The following C10orf67 variants were observed in gnomAD, a reference collection of about 807,000 sequenced individuals.
C10orf67 encodes chromosome 10 open reading frame 67, also known as uncharacterized protein C10orf67, mitochondrial.
In C10orf67, 60 loss-of-function variants were observed where a neutral mutation model predicts 35.6. The ratio of observed to expected loss-of-function variants is 1.68; its 90% CI spans 1.37 to 2.09. C10orf67 has a LOEUF of 2.09. Among genes scored for constraint, C10orf67 ranks in the 30% most tolerant of loss-of-function variants. The pLI, the probability that C10orf67 is intolerant of heterozygous loss-of-function variation, is 0.00. For missense variants in C10orf67, 474 were observed against 330.2 expected (o/e 1.44, Z -3.38); for synonymous variants, 167 against 115.8 (o/e 1.44, Z -2.84).
At chr10:23,241,975 T>A (rs987682062) in intron 12 of C10orf67, among the ~76,000 whole-genome samples, 15 of 151,662 alleles carry the variant, frequency 9.9e-5, no homozygotes, top group Admixed American at 3.3e-4. Context: ...TTTTTTTTTT[T>A]AATTTACTCA....
At chr10:23,216,862 G>A (rs993016570) in intron 15 of C10orf67, among the ~76,000 whole-genome samples, 3 of 152,048 alleles carry the variant, frequency 2.0e-5, no homozygotes, top group African/African-American at 4.8e-5. Flanking sequence ...TCAAGGCAGT[G>A]GTTACCTCTG....
chr10:23,324,242 T>G (rs190224266), intron 2 of C10orf67, among the ~76,000 whole-genome samples: 1 of 151,800 alleles, frequency 6.6e-6, no homozygotes. Flanking sequence ...AGATTCTGAT[T>G]GCTGGGACCC....
At chr10:23,310,770 C>T (rs767614425) in intron 4 of C10orf67, among the ~76,000 whole-genome samples, 1 of 152,194 alleles carries the variant, frequency 6.6e-6, no homozygotes, top group Admixed American at 6.5e-5. Context: ...GAGAAATACT[C>T]TCTTTCTCTC....
At chr10:23,222,805 A>T (rs1214554726) in intron 15 of C10orf67, among the ~76,000 whole-genome samples, 1 of 152,106 alleles carries the variant, frequency 6.6e-6, no homozygotes, top group Non-Finnish European at 1.5e-5. Flanking sequence ...AACAAACAAA[A>T]ATCAGCTGGG....
At chr10:23,267,137 A>T in intron 9 of C10orf67, 58 bp downstream of exon 9, 1 of 685,500 alleles carries the variant, frequency 1.5e-6, no homozygotes, top group Non-Finnish European at 2.7e-6. Flanking sequence ...TCAGATACCA[A>T]AATCAGAGAA....
At chr10:23,332,120 T>G (rs889829198) in intron 2 of C10orf67, among the ~76,000 whole-genome samples, 2 of 152,212 alleles carry the variant, frequency 1.3e-5, no homozygotes, top group Non-Finnish European at 2.9e-5. Context: ...TGCAGGATTA[T>G]TCATCACAGT....
chr10:23,261,853 T>C (rs1006496664), intron 10 of C10orf67, among the ~76,000 whole-genome samples: 1 of 152,192 alleles, frequency 6.6e-6, no homozygotes, highest in African/African-American at 2.4e-5. Flanking sequence ...CAAGCAGAGA[T>C]TCCACTGAGG....
chr10:23,263,279 G>A (rs551127057), intron 10 of C10orf67, among the ~76,000 whole-genome samples: 16 of 152,274 alleles, frequency 1.1e-4, no homozygotes, highest in Admixed American at 8.5e-4. Flanking sequence ...ATTTAACCAA[G>A]TAAGAGTTGC....
At chr10:23,228,139 C>T (rs998060662) in intron 13 of C10orf67, among the ~76,000 whole-genome samples, 4 of 152,266 alleles carry the variant, frequency 2.6e-5, no homozygotes, top group Admixed American at 2.6e-4. Context: ...CAAGACAATC[C>T]TAAGCCAAAA....
intron 4 of C10orf67, among the ~76,000 whole-genome samples, chr10:23,307,680 C>T (rs550606903): frequency 6.7e-6 from 1 of 149,670 alleles, no homozygotes; most frequent in Non-Finnish European, 1.5e-5. Flanking sequence ...AATCGGCTCA[C>T]TGCAACCTCC....
chr10:23,237,613 C>CATGGATATAA (rs1842082263), intron 13 of C10orf67, among the ~76,000 whole-genome samples: 14 of 152,100 alleles, frequency 9.2e-5, no homozygotes, highest in Admixed American at 8.5e-4. Context: ...GGAACAACTG[C>CATGGATATAA]CATGGATACA....
Position 23,333,064 on chromosome 10 carries a change from G to A in C10orf67, c.325C>T (p.Gln109Ter). 6.2e-7 allele frequency: 1 copy of A among 1,610,984 alleles called. No individual in the cohort carries two copies. The highest frequency in any genetic ancestry group is 8.5e-7 in the Non-Finnish European group (1 of 1,178,930). ...ELSSSTQKLA[Q>*]MMKSLQVDFG... The stretch of plus-strand genomic sequence containing the variant: ...TTTCAGAACAAATTCAGATTTACCT[G>A]TGCTAACTTTTGCGTAGATGAACTC... The change falls in exon 2 of 16, where the codon CAG becomes TAG. Residue 109 changes from glutamine to a stop codon, truncating the protein, a stop_gained and splice_region_variant. Coordinates refer to ENST00000636213, the MANE Select transcript of C10orf67 (RefSeq NM_001371909.1). LOFTEE classifies it high-confidence loss of function.
At chr10:23,211,018 T>C (rs1841292293) in intron 15 of C10orf67, among the ~76,000 whole-genome samples, 1 of 152,218 alleles carries the variant, frequency 6.6e-6, no homozygotes, top group Non-Finnish European at 1.5e-5. Context: ...TATTAAATTG[T>C]TACCTTGTAT....
intron 13 of C10orf67, among the ~76,000 whole-genome samples, chr10:23,231,669 G>A (rs555894476): frequency 1.4e-3 from 212 of 152,312 alleles, no homozygotes; most frequent in Non-Finnish European, 2.4e-3. Flanking sequence ...ACCTGGAAGA[G>A]CTCCTGTATC....
intron 2 of C10orf67, among the ~76,000 whole-genome samples, chr10:23,325,798 T>C (rs1212093247): frequency 6.6e-6 from 1 of 151,878 alleles, no homozygotes; most frequent in Non-Finnish European, 1.5e-5. Flanking sequence ...ATTATAACTA[T>C]GCATGATGAA....
intron 1 of C10orf67, among the ~76,000 whole-genome samples, chr10:23,343,118 G>A (rs546492826): frequency 6.6e-6 from 1 of 152,322 alleles, no homozygotes; most frequent in South Asian, 2.1e-4. Context: ...AAGGATCAAG[G>A]AATAGCAAAT....
At chr10:23,294,569 A>C (rs1029606611) in intron 5 of C10orf67, among the ~76,000 whole-genome samples, 7 of 152,178 alleles carry the variant, frequency 4.6e-5, no homozygotes, top group Non-Finnish European at 4.4e-5. Context: ...CCCTTGAATG[A>C]AGTTGCTCTT....
chr10:23,297,960 A>G (rs1256704054), intron 5 of C10orf67, among the ~76,000 whole-genome samples: 1 of 152,196 alleles, frequency 6.6e-6, no homozygotes, highest in African/African-American at 2.4e-5. Flanking sequence ...ACCCGTAAAC[A>G]ATGAGGCCAA....
At chr10:23,276,494 A>C (rs2132224351) in intron 8 of C10orf67, among the ~76,000 whole-genome samples, 1 of 151,752 alleles carries the variant, frequency 6.6e-6, no homozygotes, top group East Asian at 1.9e-4. Flanking sequence ...TAAATATATA[A>C]AGTGGTGTGT....
Sources: allele counts gnomAD v4.1 joint callset (sites outside exome capture counted in the v4.1 genomes callset), GRCh38; gene constraint gnomAD v4.1.1; transcripts MANE v1.5; gene names NCBI Gene and HGNC (gene_info 2026-07-23, HGNC 2026-07-21).